NAALADL2: variants seen among roughly 807,000 people sequenced by gnomAD.
The protein encoded by NAALADL2 is inactive N-acetylated-alpha-linked acidic dipeptidase-like protein 2.
NAALADL2 carries 76 observed loss-of-function variants against 87.2 expected under a neutral mutation model. That is an observed-to-expected ratio of 0.87 (90% CI 0.72 to 1.05). The LOEUF (loss-of-function observed/expected upper bound fraction) is 1.05, where lower values mean the gene tolerates loss of function less well. NAALADL2 is among the 50% of genes least tolerant of loss of function. The pLI is 0.00. For missense variants in NAALADL2, 1,089 were observed against 945.8 expected, an observed-to-expected ratio of 1.15 and a Z score of -1.99; for synonymous variants, 354 against 331.0, an observed-to-expected ratio of 1.07 and a Z score of -0.75.
chr3:175,435,258 T>A (rs553196353), intron 5 of NAALADL2, among the ~76,000 whole-genome samples: 1 of 152,130 alleles, frequency 6.6e-6, no homozygotes, highest in East Asian at 1.9e-4. Context: ...AAGAACACGT[T>A]AATGACCATC....
chr3:175,784,574 T>G (rs1173386178), intron 13 of NAALADL2, among the ~76,000 whole-genome samples: 2 of 140,370 alleles, frequency 1.4e-5, no homozygotes, highest in East Asian at 4.4e-4. Context: ...TTTTATTGTG[T>G]CTATTTGATT....
chr3:175,256,433 A>G lies in NAALADL2; in HGVS notation c.842A>G (p.Tyr281Cys), dbSNP rs746447418. Residue 281 changes from tyrosine to cysteine, a missense_variant, in exon 4 of 14, where the codon TAT becomes TGT. Coordinates refer to ENST00000454872, the MANE Select transcript of NAALADL2 (RefSeq NM_207015.3). ...CAGGCTGAAGTCATCGATGTGAGTT[A>G]TGGAATGGCAGATGATTTAAAAAGG... ...TLKAEVIDVSYGMADDLKRIR... is the reference protein window; with the variant it reads ...TLKAEVIDVSCGMADDLKRIR... 6.2e-7 allele frequency: 1 copy of G among 1,611,134 alleles called. No individual in the cohort carries two copies. Among genetic ancestry groups the G allele is most frequent in the Admixed American group, 1.7e-5 (1 of 59,626 alleles).
chr3:174,546,127 G>T (rs993272460), intron 1 of NAALADL2, among the ~76,000 whole-genome samples: 51 of 151,792 alleles, frequency 3.4e-4, no homozygotes, highest in African/African-American at 1.2e-3. Flanking sequence ...TTGTTTTTTG[G>T]TGGGTTTCAC....
rs115253087 is a variant in NAALADL2 at position 175,545,542 on chromosome 3, G to A, written c.1654-30499G>A. The stretch of plus-strand genomic sequence containing the variant: ...CTTTCCCCCTTGAATAATATTGTTG[G>A]TTCTGTGATTGTTTAATAAGAGATA... On this transcript the variant is annotated intron_variant, in intron 9 of 13. Coordinates refer to ENST00000454872, the MANE Select transcript of NAALADL2 (RefSeq NM_207015.3). Among the ~76,000 whole-genome samples the A allele has an allele frequency of 6.8e-3, 1,037 of 151,950 alleles. 13 individuals are homozygous for A. The highest frequency in any genetic ancestry group is 0.024 in the African/African-American group (979 of 41,462).
chr3:174,661,567 C>G (rs1009752832), intron 2 of NAALADL2, among the ~76,000 whole-genome samples: 1 of 152,032 alleles, frequency 6.6e-6, no homozygotes, highest in Non-Finnish European at 1.5e-5. Flanking sequence ...CTTCTTTCTT[C>G]GTCTGTCTTC....
chr3:175,759,502 C>T (rs757114082), intron 13 of NAALADL2, among the ~76,000 whole-genome samples: 4 of 151,906 alleles, frequency 2.6e-5, no homozygotes, highest in South Asian at 4.1e-4. Context: ...GGATTACAGG[C>T]GCATGCCACC....
chr3:175,206,264 T>A (rs12637078), intron 2 of NAALADL2, among the ~76,000 whole-genome samples: 2,153 of 69,520 alleles, frequency 0.031, 58 homozygotes, highest in Middle Eastern at 0.085. Context: ...ATATATATAT[T>A]TTTTTTTTTC....
intron 2 of NAALADL2, among the ~76,000 whole-genome samples, chr3:174,595,977 A>C (rs1205915595): frequency 6.6e-6 from 1 of 152,096 alleles, no homozygotes; most frequent in Non-Finnish European, 1.5e-5. Flanking sequence ...ATGCCATTGC[A>C]CTCCAGCCTG....
At chr3:174,679,191 C>T (rs1727303151) in intron 2 of NAALADL2, among the ~76,000 whole-genome samples, 2 of 152,012 alleles carry the variant, frequency 1.3e-5, no homozygotes, top group Admixed American at 6.6e-5. Flanking sequence ...CCTTCTTCAC[C>T]CTGTAAGTCT....
At chr3:175,667,708 T>G (rs1021162802) in intron 11 of NAALADL2, among the ~76,000 whole-genome samples, 22 of 151,768 alleles carry the variant, frequency 1.4e-4, no homozygotes, top group Non-Finnish European at 2.5e-4. Context: ...TATCCTTAGA[T>G]GCTCATAACC....
chr3:175,610,245 G>A (rs1163853635), intron 10 of NAALADL2, among the ~76,000 whole-genome samples: 1 of 152,064 alleles, frequency 6.6e-6, no homozygotes, highest in Non-Finnish European at 1.5e-5. Flanking sequence ...GGAAATGAGA[G>A]TTGTTCTGCA....
chr3:175,655,671 G>T (rs1731355804), intron 11 of NAALADL2: 1 of 152,090 alleles, frequency 6.6e-6, no homozygotes, highest in Non-Finnish European at 1.5e-5. Context: ...GTAACAAAGG[G>T]CACTGCACTT....
At chr3:174,933,936 G>A (rs539734719) in intron 1 of NAALADL2, among the ~76,000 whole-genome samples, 4 of 152,070 alleles carry the variant, frequency 2.6e-5, no homozygotes, top group Admixed American at 1.3e-4. Flanking sequence ...ACACTTCTAT[G>A]GTATGTGACT....
intron 5 of NAALADL2, among the ~76,000 whole-genome samples, chr3:175,390,315 C>T (rs1411113319): frequency 6.6e-6 from 1 of 152,098 alleles, no homozygotes; most frequent in Non-Finnish European, 1.5e-5. Flanking sequence ...TTCAAAATTA[C>T]CTCTGGCCAT....
At chr3:174,566,608 C>T (rs1578186916) in intron 2 of NAALADL2, among the ~76,000 whole-genome samples, 1 of 151,400 alleles carries the variant, frequency 6.6e-6, no homozygotes, top group Admixed American at 6.6e-5. Flanking sequence ...GTTATCTTAG[C>T]TTCCCTCATT....
intron 1 of NAALADL2, among the ~76,000 whole-genome samples, chr3:174,503,054 A>C (rs941620091): frequency 2.4e-4 from 36 of 151,890 alleles, no homozygotes; most frequent in African/African-American, 8.5e-4. Context: ...CTTATCTTTC[A>C]TATTACTACT....
chr3:174,946,522 C>T (rs575739952), intron 1 of NAALADL2, among the ~76,000 whole-genome samples: 5 of 152,298 alleles, frequency 3.3e-5, no homozygotes, highest in African/African-American at 1.2e-4. Context: ...TGAGGCAATA[C>T]TTTTAAAGTC....
At chr3:174,905,366 G>T (rs771463966) in intron 1 of NAALADL2, among the ~76,000 whole-genome samples, 1 of 149,932 alleles carries the variant, frequency 6.7e-6, no homozygotes, top group Non-Finnish European at 1.5e-5. Context: ...GGCTATCCCC[G>T]CCTCTAAAAT....
chr3:175,119,655 A>T (rs1402884584), intron 2 of NAALADL2, among the ~76,000 whole-genome samples: 1 of 142,568 alleles, frequency 7.0e-6, no homozygotes, highest in African/African-American at 2.6e-5. Flanking sequence ...TAGTTTGTTT[A>T]ACTTGAAGGT....
Sources: allele counts gnomAD v4.1 joint callset (sites outside exome capture counted in the v4.1 genomes callset), GRCh38; gene constraint gnomAD v4.1.1; transcripts MANE v1.5; gene names NCBI Gene and HGNC (gene_info 2026-07-23, HGNC 2026-07-21).